Variants in IL1RAPL1 observed in about 807,000 individuals in gnomAD.
IL1RAPL1 encodes the protein interleukin 1 receptor accessory protein like 1.
Under a neutral mutation model 48.4 loss-of-function variants are expected in IL1RAPL1, and 3 were observed. The ratio of observed to expected loss-of-function variants is 0.06; its 90% CI spans 0.03 to 0.16. The LOEUF (loss-of-function observed/expected upper bound fraction) is 0.16. Among genes scored for constraint, IL1RAPL1 ranks in the 10% least tolerant of loss-of-function variants. The pLI is 1.00. For synonymous variants in IL1RAPL1, 185 were observed against 187.7 expected (o/e 0.99, Z 0.12); for missense variants, 349 against 530.6 (o/e 0.66, Z 3.36).
chrX:29,730,141 T>C (rs1046906582), intron 6 of IL1RAPL1, among the ~76,000 whole-genome samples: 7 of 112,092 alleles, frequency 6.2e-5, no homozygotes, highest in African/African-American at 2.3e-4. Flanking sequence ...TTTTGAACCC[T>C]ATCCCCATTG....
chrX:29,323,925 G>C (rs752665115), intron 3 of IL1RAPL1, among the ~76,000 whole-genome samples: 1 of 101,788 alleles, frequency 9.8e-6, no homozygotes, highest in South Asian at 4.7e-4. Flanking sequence ...TTTTTCTTTT[G>C]TTCCATCCCC....
chrX:28,665,005 T>G (rs1934860271), intron 1 of IL1RAPL1, among the ~76,000 whole-genome samples: 1 of 112,183 alleles, frequency 8.9e-6, no homozygotes, highest in Non-Finnish European at 1.9e-5. Context: ...GAGGGAGACA[T>G]TTAGTTCGGG....
At chrX:29,767,896 G>A (rs1457094055) in intron 6 of IL1RAPL1, among the ~76,000 whole-genome samples, 1 of 110,364 alleles carries the variant, frequency 9.1e-6, no homozygotes, top group Admixed American at 9.7e-5. Flanking sequence ...TCTTGAATTC[G>A]ATAATCACAA....
chrX:29,740,122 G>GAAAAAAAAAAAAAAAAAAAAAAACAAAA (rs1172511347), intron 6 of IL1RAPL1, among the ~76,000 whole-genome samples: 1 of 52,329 alleles, frequency 1.9e-5, no homozygotes, highest in African/African-American at 6.3e-5. Flanking sequence ...CAAAAAAACA[G>GAAAAAAAAAAAAAAAAAAAAAAACAAAA]AAAAAAAAAA....
chrX:29,716,321 T>A (rs750318400), intron 6 of IL1RAPL1, among the ~76,000 whole-genome samples: 1 of 111,123 alleles, frequency 9.0e-6, no homozygotes, highest in East Asian at 2.9e-4. Flanking sequence ...ATACATACAA[T>A]ACACACAATA....
chrX:28,864,159 C>G (rs1382487073), intron 2 of IL1RAPL1, among the ~76,000 whole-genome samples: 1 of 111,897 alleles, frequency 8.9e-6, no homozygotes, highest in Non-Finnish European at 1.9e-5. Flanking sequence ...AAGAGAAAGA[C>G]AGAAAAATGT....
chrX:28,889,474 T>C lies in IL1RAPL1; in HGVS notation c.82+100049T>C, dbSNP rs949468735. On this transcript the variant is annotated intron_variant, in intron 2 of 10. Transcript: ENST00000378993. ...CATTATCTACATGAAGAAATTGTTA[T>C]ACTTGCAAGTGAAATAGTTCCACGT... is the stretch of plus-strand genomic sequence containing the variant. Among the ~76,000 whole-genome samples, 12 of 111,880 alleles carry C rather than the reference T, an allele frequency of 1.1e-4. No homozygotes were observed. In the Admixed American group the frequency reaches 1.1e-3, roughly 11 times the overall value.
chrX:28,810,870 G>T (rs1601913231), intron 2 of IL1RAPL1, among the ~76,000 whole-genome samples: 1 of 109,714 alleles, frequency 9.1e-6, no homozygotes, highest in African/African-American at 3.3e-5. Context: ...CCTGCCACCT[G>T]CATCTAATGA....
At chrX:29,608,024 T>A (rs1923949433) in intron 5 of IL1RAPL1, among the ~76,000 whole-genome samples, 1 of 112,260 alleles carries the variant, frequency 8.9e-6, no homozygotes, top group African/African-American at 3.2e-5. Flanking sequence ...TATTATATTT[T>A]AAAATTCTCT....
chrX:29,068,588 A>C (rs922872659), intron 2 of IL1RAPL1, among the ~76,000 whole-genome samples: 2 of 112,559 alleles, frequency 1.8e-5, no homozygotes, highest in Non-Finnish European at 3.8e-5. Flanking sequence ...AGAGAGATGC[A>C]GGAAGACCAT....
intron 9 of IL1RAPL1, among the ~76,000 whole-genome samples, chrX:29,952,506 C>T (rs1933338231): frequency 9.0e-6 from 1 of 111,651 alleles, no homozygotes; most frequent in Admixed American, 9.5e-5. Flanking sequence ...TTTAATATCT[C>T]ATAGGTAATG....
chrX:29,298,549 A>G (rs1932483439), intron 3 of IL1RAPL1, among the ~76,000 whole-genome samples: 1 of 111,950 alleles, frequency 8.9e-6, no homozygotes, highest in African/African-American at 3.2e-5. Context: ...TCCACCTTAC[A>G]AAAGAAAGGC....
At chrX:29,027,358 T>C (rs1254324471) in intron 2 of IL1RAPL1, among the ~76,000 whole-genome samples, 1 of 112,371 alleles carries the variant, frequency 8.9e-6, no homozygotes, top group Non-Finnish European at 1.9e-5. Flanking sequence ...TCCACGTCTT[T>C]TCTTGGCTTG....
At chrX:29,590,573 T>C (rs1032638991) in intron 5 of IL1RAPL1, among the ~76,000 whole-genome samples, 6 of 111,445 alleles carry the variant, frequency 5.4e-5, no homozygotes, top group Non-Finnish European at 1.1e-4. Context: ...CCCACAAGAA[T>C]AGTTGAGCAC....
intron 2 of IL1RAPL1, among the ~76,000 whole-genome samples, chrX:29,150,571 A>G (rs1406317425): frequency 9.0e-6 from 1 of 110,786 alleles, no homozygotes; most frequent in Non-Finnish European, 1.9e-5. Context: ...GAGGGTACAT[A>G]ATCATAATGA....
intron 3 of IL1RAPL1, among the ~76,000 whole-genome samples, chrX:29,355,778 A>G (rs932660296): frequency 8.9e-6 from 1 of 112,153 alleles, no homozygotes; most frequent in Non-Finnish European, 1.9e-5. Context: ...CATCTCTTCA[A>G]TTTCTAAAAT....
chrX:28,836,021 A>G (rs776878534), intron 2 of IL1RAPL1, among the ~76,000 whole-genome samples: 4 of 110,932 alleles, frequency 3.6e-5, no homozygotes, highest in African/African-American at 9.8e-5. Context: ...AACAAACAAT[A>G]AAGTTGTCTA....
At chrX:28,929,880 G>A (rs1157167944) in intron 2 of IL1RAPL1, among the ~76,000 whole-genome samples, 1 of 111,849 alleles carries the variant, frequency 8.9e-6, no homozygotes, top group African/African-American at 3.2e-5. Flanking sequence ...GCAACAAAAT[G>A]GAAGCAAAAA....
intron 3 of IL1RAPL1, among the ~76,000 whole-genome samples, chrX:29,330,371 G>T (rs1035026192): frequency 9.0e-6 from 1 of 111,252 alleles, no homozygotes; most frequent in Non-Finnish European, 1.9e-5. Context: ...GTGTTAAATT[G>T]TGCCCCTTCC....
Sources: gnomAD v4.1 joint callset for allele counts (sites outside exome capture counted in the v4.1 genomes callset) on GRCh38, gnomAD v4.1.1 for gene constraint, MANE v1.5 for transcripts, NCBI Gene and HGNC (gene_info 2026-07-23, HGNC 2026-07-21) for gene names.